ELMO1: variants seen among roughly 807,000 people sequenced by gnomAD.
ELMO1 encodes engulfment and cell motility 1, also known as engulfment and cell motility protein 1.
In ELMO1, 26 loss-of-function variants were observed where a neutral mutation model predicts 98.9. That is an observed-to-expected ratio of 0.26 (90% CI 0.19 to 0.36). The LOEUF is 0.36. Ranked by LOEUF, ELMO1 falls within the 10% of genes least tolerant of loss-of-function variation. The pLI is 1.00. For missense variants in ELMO1, 627 were observed against 935.2 expected, an observed-to-expected ratio of 0.67 and a Z score of 4.30; for synonymous variants, 346 against 346.0, an observed-to-expected ratio of 1.00 and a Z score of 0.00.
At chr7:37,310,883 T>C (rs1202182275) in intron 4 of ELMO1, among the ~76,000 whole-genome samples, 1 of 152,154 alleles carries the variant, frequency 6.6e-6, no homozygotes, top group African/African-American at 2.4e-5. Flanking sequence ...CACCAATACC[T>C]GCATCATTGG....
intron 16 of ELMO1, among the ~76,000 whole-genome samples, chr7:36,943,452 A>G (rs1319118271): frequency 1.3e-5 from 2 of 152,100 alleles, no homozygotes; most frequent in Non-Finnish European, 2.9e-5. Flanking sequence ...GGCATTTTAG[A>G]TCTTCAGTCA....
intron 15 of ELMO1, among the ~76,000 whole-genome samples, chr7:37,083,822 C>T (rs1783612218): frequency 6.6e-6 from 1 of 152,144 alleles, no homozygotes; most frequent in African/African-American, 2.4e-5. Flanking sequence ...CCCATCAAGT[C>T]CTGGTGGATA....
intron 1 of ELMO1, among the ~76,000 whole-genome samples, chr7:37,381,773 C>G (rs1802592614): frequency 6.6e-6 from 1 of 152,214 alleles, no homozygotes; most frequent in Non-Finnish European, 1.5e-5. Context: ...GGATTGACCA[C>G]TCCCACCATT....
chr7:37,382,906 A>AATCTAAT (rs1802637959), intron 1 of ELMO1, among the ~76,000 whole-genome samples: 1 of 152,208 alleles, frequency 6.6e-6, no homozygotes, highest in Non-Finnish European at 1.5e-5. Context: ...TCTAATTTGC[A>AATCTAAT]GGGCCCCAGG....
chr7:37,119,749 C>T (rs1785874639), intron 14 of ELMO1, among the ~76,000 whole-genome samples: 1 of 152,144 alleles, frequency 6.6e-6, no homozygotes, highest in African/African-American at 2.4e-5. Flanking sequence ...TATATATGCT[C>T]TGTCTCACAA....
chr7:37,417,683 C>CACACACAA (rs753914608), intron 1 of ELMO1, among the ~76,000 whole-genome samples: 1 of 146,210 alleles, frequency 6.8e-6, no homozygotes, highest in Non-Finnish European at 1.5e-5. Context: ...CACACACACA[C>CACACACAA]AAGCAAAAAT....
chr7:37,330,583 A>C (rs1479095773), intron 2 of ELMO1, among the ~76,000 whole-genome samples: 1 of 152,150 alleles, frequency 6.6e-6, no homozygotes, highest in African/African-American at 2.4e-5. Flanking sequence ...GTTTCTCTTC[A>C]TATCTTCCAC....
At chr7:37,201,246 T>C (rs1472348279) in intron 13 of ELMO1, among the ~76,000 whole-genome samples, 2 of 152,190 alleles carry the variant, frequency 1.3e-5, no homozygotes, top group African/African-American at 4.8e-5. Flanking sequence ...TAACTCCCTT[T>C]ACTACCCTGC....
In ELMO1 at chr7:37,375,725, A is replaced by G. The variant is rs966199906; in HGVS notation, c.-73-32962T>C. On this transcript the variant is annotated intron_variant, in intron 1 of 21. Transcript: ENST00000310758. ...GAACAGTTTGCCTGGAGACACTTCT[A>G]CTGGTACCTTACCAATGAGGGTATC... The G allele has an allele frequency of 7.3e-6, 9 of 1,238,548 alleles. No homozygotes were observed. In the African/African-American group the frequency reaches 1.2e-4, roughly 16 times the overall value. 76.7% of individuals were successfully genotyped at this position (1,238,548 alleles called of 1,614,324 possible). A position where few individuals can be genotyped will look rare whatever the true frequency, so the allele number is the denominator to read the frequency against.
intron 14 of ELMO1, among the ~76,000 whole-genome samples, chr7:37,122,568 A>C (rs1786142035): frequency 6.6e-6 from 1 of 152,240 alleles, no homozygotes; most frequent in Non-Finnish European, 1.5e-5. Flanking sequence ...AAAGGGATCA[A>C]TTCAACAAGA....
intron 17 of ELMO1, among the ~76,000 whole-genome samples, chr7:36,889,430 C>T (rs1171049737): frequency 1.3e-5 from 2 of 152,136 alleles, no homozygotes; most frequent in East Asian, 3.9e-4. Flanking sequence ...GGGTAACTGC[C>T]AGGGAGCTGC....
intron 16 of ELMO1, among the ~76,000 whole-genome samples, chr7:36,901,735 G>A (rs1040843154): frequency 6.6e-6 from 1 of 152,146 alleles, no homozygotes; most frequent in African/African-American, 2.4e-5. Context: ...ATTAAGAGAT[G>A]TAGAGCATTG....
chr7:37,237,567 GGCGT>G (rs1794544529), intron 7 of ELMO1, among the ~76,000 whole-genome samples: 1 of 152,160 alleles, frequency 6.6e-6, no homozygotes. Context: ...TGGGATTACA[GGCGT>G]GAACCACCAT....
intron 1 of ELMO1, among the ~76,000 whole-genome samples, chr7:37,391,251 G>T (rs1379097060): frequency 6.6e-6 from 1 of 152,114 alleles, no homozygotes; most frequent in Non-Finnish European, 1.5e-5. Context: ...TGAGTAGCTG[G>T]AATTACAGGT....
intron 14 of ELMO1, among the ~76,000 whole-genome samples, chr7:37,126,123 G>C (rs1584687422): frequency 6.6e-6 from 1 of 151,594 alleles, no homozygotes; most frequent in African/African-American, 2.4e-5. Flanking sequence ...CAGGAAGGGG[G>C]ACATCACACA....
Position 37,169,948 on chromosome 7 carries a change from C to A in ELMO1, c.1087-36714G>T, listed in dbSNP as rs143579493. On this transcript the variant is annotated intron_variant, in intron 13 of 21. Transcript: ENST00000310758. ...GACAGTCTCACTCTTGTCACCCAGG[C>A]TGGAGTGCAATGGCAGGATCTCTGC... 1.4e-3 allele frequency among the ~76,000 whole-genome samples: 215 copies of A among 152,278 alleles called. 1 individual carries two copies. Among genetic ancestry groups the A allele is most frequent in the African/African-American group, 4.4e-3 (183 of 41,552 alleles).
chr7:37,280,824 A>G (rs966050364), intron 4 of ELMO1, among the ~76,000 whole-genome samples: 1 of 152,176 alleles, frequency 6.6e-6, no homozygotes, highest in African/African-American at 2.4e-5. Flanking sequence ...TAGAACTACC[A>G]TTTGATCCAG....
intron 1 of ELMO1, among the ~76,000 whole-genome samples, chr7:37,378,523 C>T (rs1363985473): frequency 6.6e-6 from 1 of 152,022 alleles, no homozygotes; most frequent in Non-Finnish European, 1.5e-5. Flanking sequence ...ATCTACAAAT[C>T]TCCCTCTAGA....
intron 13 of ELMO1, among the ~76,000 whole-genome samples, chr7:37,172,604 C>T (rs1427244206): frequency 1.3e-5 from 2 of 152,170 alleles, no homozygotes; most frequent in Non-Finnish European, 2.9e-5. Flanking sequence ...AAGCTACTAT[C>T]AGAAGGTACT....
Sources: allele counts gnomAD v4.1 joint callset (sites outside exome capture counted in the v4.1 genomes callset), GRCh38; gene constraint gnomAD v4.1.1; transcripts MANE v1.5; gene names NCBI Gene and HGNC (gene_info 2026-07-23, HGNC 2026-07-21).